RDH10: variants seen among roughly 807,000 people sequenced by gnomAD.
RDH10 encodes retinol dehydrogenase 10 (all-trans).
A neutral mutation model predicts 30.2 loss-of-function variants in RDH10; 12 were observed. The observed-to-expected ratio is 0.40, with a 90% confidence interval of 0.25 to 0.64. The LOEUF is 0.64. Among genes scored for constraint, RDH10 ranks in the 30% least tolerant of loss-of-function variants. The probability of loss-of-function intolerance (pLI) is 0.43; values close to 1 mark genes in which losing one functional copy is unlikely to be tolerated. For missense variants in RDH10, 268 were observed against 445.2 expected (o/e 0.60, Z 3.58); for synonymous variants, 189 against 172.2 (o/e 1.10, Z -0.76).
In RDH10 at chr8:73,301,812, A is replaced by G. The variant is rs140282590; in HGVS notation, c.525+4383A>G. 4.6e-3 allele frequency among the ~76,000 whole-genome samples: 707 copies of G among 152,324 alleles called. 5 individuals are homozygous for G. Among genetic ancestry groups the G allele is most frequent in the South Asian group, 0.016 (76 of 4,824 alleles). ...TAAAGCTGTGTAAGACCATTATTGC[A>G]AACCAGGGCTGTCTCACCCTTGTTG... is the stretch of plus-strand genomic sequence containing the variant. On this transcript the variant is annotated intron_variant, in intron 2 of 5. Coordinates refer to ENST00000240285, the MANE Select transcript of RDH10 (RefSeq NM_172037.5).
intron 2 of RDH10, chr8:73,311,016 C>T (rs1814553860): frequency 6.6e-6 from 1 of 152,136 alleles, no homozygotes; most frequent in South Asian, 2.1e-4. Flanking sequence ...GCTGATCACT[C>T]AATGCTGGCC....
chr8:73,298,384 T>C (rs4540402), intron 2 of RDH10, among the ~76,000 whole-genome samples: 29,741 of 152,210 alleles, frequency 0.2, 2,972 homozygotes, highest in Middle Eastern at 0.23. Flanking sequence ...TAAACCTCAT[T>C]AATTTTTTAG....
At chr8:73,301,639 C>A (rs1814379093) in intron 2 of RDH10, among the ~76,000 whole-genome samples, 1 of 151,900 alleles carries the variant, frequency 6.6e-6, no homozygotes, top group South Asian at 2.1e-4. Flanking sequence ...GCCTGTAATC[C>A]CAGCTACTCA....
In RDH10 at chr8:73,323,919, G is replaced by T. The variant is rs1218088657; in HGVS notation, c.*883G>T. The T allele has an allele frequency of 6.6e-6, 1 of 152,276 alleles. No individual in the cohort carries two copies. The highest frequency in any genetic ancestry group is 2.4e-5 in the African/African-American group (1 of 41,400). The allele number at this position is 152,276 out of a possible 1,614,324, so 9.4% of individuals were successfully genotyped here. ...CCTGCCTCGGCCTCCCAAAGTGCTGGGATTACAGGCATGAGCCACTGCACC... is the reference window on the plus strand; with the variant it reads ...CCTGCCTCGGCCTCCCAAAGTGCTGTGATTACAGGCATGAGCCACTGCACC... On this transcript the variant is annotated 3_prime_UTR_variant, in exon 6 of 6. Transcript: ENST00000240285.
intron 2 of RDH10, among the ~76,000 whole-genome samples, chr8:73,300,636 A>T (rs1468758509): frequency 6.6e-6 from 1 of 152,204 alleles, no homozygotes; most frequent in Non-Finnish European, 1.5e-5. Context: ...GTTGATCCTG[A>T]CTCAGAGCAA....
chr8:73,294,757 C>A lies in RDH10; in HGVS notation c.-533C>A. The A allele has an allele frequency of 2.7e-6, 1 of 364,388 alleles. No individual in the cohort carries two copies. Among genetic ancestry groups the A allele is most frequent in the Admixed American group, 4.6e-5 (1 of 21,576 alleles). The allele number at this position is 364,388 out of a possible 1,614,324, so 22.6% of individuals were successfully genotyped here. A position where few individuals can be genotyped will look rare whatever the true frequency, so the allele number is the denominator to read the frequency against. On this transcript the variant is annotated 5_prime_UTR_variant, in exon 1 of 6. Coordinates refer to ENST00000240285, the MANE Select transcript of RDH10 (RefSeq NM_172037.5). ...GCTTGCCTGCGCCGAGCGAGTCTCC[C>A]CTTCCCGGCGCTCCGCCGCCCCGCA...
chr8:73,314,515 C>T (rs1017566435), intron 2 of RDH10, among the ~76,000 whole-genome samples: 1 of 152,240 alleles, frequency 6.6e-6, no homozygotes, highest in African/African-American at 2.4e-5. Context: ...TGCTCAGTCA[C>T]GTGTACTGGG....
intron 2 of RDH10, among the ~76,000 whole-genome samples, chr8:73,316,888 G>A (rs1271349725): frequency 3.3e-5 from 5 of 152,242 alleles, no homozygotes; most frequent in African/African-American, 1.2e-4. Context: ...GCAGCACCAG[G>A]AGATGGTGCT....
rs1264846140 is a variant in RDH10 at position 73,324,329 on chromosome 8, G to A, written c.*1293G>A. Reference sequence around the variant, plus strand: ...ATTTTTTTGTAAAGCAAACTATTTTGTGCCTTGAATTTGGTATATGTGTAT... The same window carrying A: ...ATTTTTTTGTAAAGCAAACTATTTTATGCCTTGAATTTGGTATATGTGTAT... On this transcript the variant is annotated 3_prime_UTR_variant, in exon 6 of 6. Transcript: ENST00000240285. 1 of 152,544 alleles carries A rather than the reference G, an allele frequency of 6.6e-6. No individual in the cohort carries two copies. The highest frequency in any genetic ancestry group is 1.5e-5 in the Non-Finnish European group (1 of 68,014). 9.4% of individuals were successfully genotyped at this position (152,544 alleles called of 1,614,324 possible).
chr8:73,296,122 C>T (rs1172043123), intron 1 of RDH10, among the ~76,000 whole-genome samples: 1 of 152,192 alleles, frequency 6.6e-6, no homozygotes, highest in East Asian at 1.9e-4. Context: ...TGAAAGACGC[C>T]TTGCTTCCTA....
At chr8:73,301,446 G>A (rs1042810740) in intron 2 of RDH10, among the ~76,000 whole-genome samples, 3 of 151,988 alleles carry the variant, frequency 2.0e-5, no homozygotes, top group African/African-American at 7.2e-5. Flanking sequence ...ATGGGTCTAT[G>A]TTCTGAAGTT....
At chr8:73,306,405 A>G (rs866868910) in intron 2 of RDH10, among the ~76,000 whole-genome samples, 2 of 152,154 alleles carry the variant, frequency 1.3e-5, no homozygotes, top group African/African-American at 2.4e-5. Flanking sequence ...TTATTTGTCA[A>G]TTCTCTTAAA....
intron 2 of RDH10, among the ~76,000 whole-genome samples, chr8:73,317,290 G>A (rs1459886623): frequency 6.6e-6 from 1 of 152,084 alleles, no homozygotes; most frequent in East Asian, 1.9e-4. Context: ...AATTATTAGG[G>A]GGCTCCAGTG....
chr8:73,322,895 G>A lies in RDH10; in HGVS notation c.903-18G>A, dbSNP rs1814794677. On this transcript the variant is annotated intron_variant, in intron 5 of 5. Transcript: ENST00000240285. ...TGAAACTTCAAGTTTGCTAACAGCTGTGACTTCCCTTTTTCAGCATCCTAC... is the reference window on the plus strand; with the variant it reads ...TGAAACTTCAAGTTTGCTAACAGCTATGACTTCCCTTTTTCAGCATCCTAC... The A allele has an allele frequency of 1.2e-6, 2 of 1,614,126 alleles. No individual in the cohort carries two copies.
chr8:73,303,328 C>T (rs930611702), intron 2 of RDH10, among the ~76,000 whole-genome samples: 3 of 152,152 alleles, frequency 2.0e-5, no homozygotes, highest in African/African-American at 7.2e-5. Flanking sequence ...TACTGCATTC[C>T]TGTGTTCTCT....
At chr8:73,322,377 G>T in intron 4 of RDH10, 1 of 299,222 alleles carries the variant, frequency 3.3e-6, no homozygotes, top group Non-Finnish European at 6.3e-6. Context: ...TCTTTCTATT[G>T]AAAGCAAAAC....
At chr8:73,322,538 A>G (rs1814789379) in intron 4 of RDH10, 141 bp from the exon 5 acceptor site, 1 of 721,662 alleles carries the variant, frequency 1.4e-6, no homozygotes, top group Non-Finnish European at 2.2e-6. Flanking sequence ...TTTGGAAAAT[A>G]CAGAAAAGCA....
chr8:73,317,481 G>A (rs1004269814), intron 2 of RDH10, among the ~76,000 whole-genome samples: 3 of 145,822 alleles, frequency 2.1e-5, no homozygotes, highest in African/African-American at 7.3e-5. Flanking sequence ...TGAGTTGGGA[G>A]TGGGGTACTA....
At chr8:73,309,027 G>A (rs1814512163) in intron 2 of RDH10, among the ~76,000 whole-genome samples, 1 of 152,162 alleles carries the variant, frequency 6.6e-6, no homozygotes, top group Admixed American at 6.5e-5. Context: ...AAAGTTTGAA[G>A]AGGAACTACT....
Sources: allele counts gnomAD v4.1 joint callset (sites outside exome capture counted in the v4.1 genomes callset), GRCh38; gene constraint gnomAD v4.1.1; transcripts MANE v1.5; gene names NCBI Gene and HGNC (gene_info 2026-07-23, HGNC 2026-07-21).